Variants in ADAMTS19 observed in about 807,000 individuals in gnomAD.
ADAMTS19 encodes the protein ADAM metallopeptidase with thrombospondin type 1 motif 19.
Under a neutral mutation model 153.3 loss-of-function variants are expected in ADAMTS19, and 93 were observed. The observed-to-expected ratio is 0.61, with a 90% CI of 0.51 to 0.72. The LOEUF is 0.72. ADAMTS19 is among the 30% of genes least tolerant of loss of function. The pLI is 0.00. For missense variants in ADAMTS19, 1,482 were observed against 1,552.1 expected (o/e 0.95, Z 0.76); for synonymous variants, 600 against 556.6 (o/e 1.08, Z -1.10).
intron 21 of ADAMTS19, among the ~76,000 whole-genome samples, chr5:129,706,164 G>T (rs773247710): frequency 1.3e-5 from 2 of 152,120 alleles, no homozygotes; most frequent in African/African-American, 4.8e-5. Flanking sequence ...GTTTCTTTTG[G>T]CTAGTGAAAT....
intron 16 of ADAMTS19, 60 bp downstream of exon 16, chr5:129,665,639 A>G: frequency 3.1e-6 from 4 of 1,307,482 alleles, no homozygotes; most frequent in Non-Finnish European, 4.3e-6. Context: ...CTGCCCTGAG[A>G]GTTCTATGAT....
At chr5:129,575,422 A>G (rs960305669) in intron 7 of ADAMTS19, among the ~76,000 whole-genome samples, 12 of 152,076 alleles carry the variant, frequency 7.9e-5, no homozygotes, top group Admixed American at 5.2e-4. Context: ...AACACTTTTA[A>G]ATTTTTCCAG....
intron 8 of ADAMTS19, among the ~76,000 whole-genome samples, chr5:129,618,572 T>C (rs1044026464): frequency 6.6e-6 from 1 of 151,966 alleles, no homozygotes; most frequent in Admixed American, 6.6e-5. Flanking sequence ...ATCTTAAAAA[T>C]ATAGTTTGGT....
intron 8 of ADAMTS19, among the ~76,000 whole-genome samples, chr5:129,601,471 A>G (rs1307705278): frequency 6.6e-6 from 1 of 152,120 alleles, no homozygotes. Flanking sequence ...TTAATATATT[A>G]ATTGTTATTA....
chr5:129,546,303 G>T (rs1472811404), intron 6 of ADAMTS19, among the ~76,000 whole-genome samples: 2 of 150,404 alleles, frequency 1.3e-5, no homozygotes, highest in Non-Finnish European at 2.9e-5. Context: ...GAGTTTGTGG[G>T]TGCAGCGCAC....
intron 6 of ADAMTS19, among the ~76,000 whole-genome samples, chr5:129,536,225 A>C (rs1306032337): frequency 6.6e-6 from 1 of 152,222 alleles, no homozygotes; most frequent in African/African-American, 2.4e-5. Flanking sequence ...GAAAAAAACA[A>C]ACAACCCCAT....
chr5:129,515,250 G>A (rs1751560750), intron 3 of ADAMTS19, among the ~76,000 whole-genome samples: 1 of 151,582 alleles, frequency 6.6e-6, no homozygotes, highest in African/African-American at 2.4e-5. Flanking sequence ...TCTTTTTGCC[G>A]AGGATAGCTT....
At chr5:129,721,091 G>A (rs188412500) in intron 21 of ADAMTS19, among the ~76,000 whole-genome samples, 34 of 152,220 alleles carry the variant, frequency 2.2e-4, no homozygotes, top group Middle Eastern at 6.8e-3. Context: ...CTATTTATTG[G>A]AGCTTGTGTA....
intron 7 of ADAMTS19, among the ~76,000 whole-genome samples, chr5:129,563,711 T>C (rs566345024): frequency 6.6e-5 from 10 of 152,332 alleles, no homozygotes; most frequent in African/African-American, 2.2e-4. Context: ...TATGCTGTTA[T>C]AATGCACTGC....
chr5:129,698,050 T>C (rs1438893461), intron 19 of ADAMTS19, among the ~76,000 whole-genome samples: 3 of 152,196 alleles, frequency 2.0e-5, no homozygotes, highest in Non-Finnish European at 2.9e-5. Flanking sequence ...TTCCCTGAAC[T>C]CAACTATCTT....
intron 8 of ADAMTS19, 40 bp downstream of exon 8, chr5:129,596,704 T>C (rs748972312): frequency 7.1e-7 from 1 of 1,403,702 alleles, no homozygotes; most frequent in African/African-American, 1.5e-5. Flanking sequence ...TGTTAGCATA[T>C]AACTTTGTAA....
intron 3 of ADAMTS19, among the ~76,000 whole-genome samples, chr5:129,510,764 G>A (rs965588704): frequency 6.6e-6 from 1 of 151,460 alleles, no homozygotes; most frequent in Non-Finnish European, 1.5e-5. Context: ...TATGCATAGA[G>A]AAAAGGTTTC....
intron 17 of ADAMTS19, among the ~76,000 whole-genome samples, chr5:129,681,012 A>G (rs999889927): frequency 6.6e-6 from 1 of 152,222 alleles, no homozygotes; most frequent in African/African-American, 2.4e-5. Context: ...GTCCACATAT[A>G]AAACAACTCT....
chr5:129,715,579 T>C (rs1272400569), intron 21 of ADAMTS19, among the ~76,000 whole-genome samples: 1 of 152,154 alleles, frequency 6.6e-6, no homozygotes, highest in Non-Finnish European at 1.5e-5. Context: ...GAGATTAAAA[T>C]GAAAAGAACT....
intron 10 of ADAMTS19, among the ~76,000 whole-genome samples, chr5:129,639,984 G>T (rs1003311230): frequency 3.9e-5 from 6 of 151,932 alleles, no homozygotes; most frequent in Non-Finnish European, 8.8e-5. Flanking sequence ...TATTACAAAG[G>T]GGCAATATGA....
At chr5:129,463,162 A>G (rs1749744733) in intron 2 of ADAMTS19, among the ~76,000 whole-genome samples, 1 of 152,214 alleles carries the variant, frequency 6.6e-6, no homozygotes, top group Non-Finnish European at 1.5e-5. Context: ...TTCATTGTCC[A>G]CTAGCTTTTG....
chr5:129,658,770 T>C (rs758338467), intron 15 of ADAMTS19, 33 bp downstream of exon 15: 1 of 1,578,320 alleles, frequency 6.3e-7, no homozygotes, highest in Non-Finnish European at 8.6e-7. Flanking sequence ...TAAATATTAA[T>C]CCCTGCAATC....
Position 129,654,452 on chromosome 5 carries a change from A to AG in ADAMTS19, c.2304+19_2304+20insG, listed in dbSNP as rs1753455697. 2.5e-6 allele frequency: 4 copies of AG among 1,599,030 alleles called. No homozygotes were observed. In the East Asian group the frequency reaches 6.7e-5, roughly 27 times the overall value. ...GTGCCAGGTAAGACATTCCAAAAAA[A>AG]AAAAGAATTTATATGTTGAAGGAAA... On this transcript the variant is annotated intron_variant, in intron 14 of 22. Transcript: ENST00000274487.
At chr5:129,665,361 A>G (rs1440571032) in intron 15 of ADAMTS19, 138 bp from the exon 16 acceptor site, 4 of 548,662 alleles carry the variant, frequency 7.3e-6, no homozygotes, top group Non-Finnish European at 1.2e-5. Flanking sequence ...GCTTTTATAT[A>G]TAAAAATTTT....
Sources: allele counts gnomAD v4.1 joint callset (sites outside exome capture counted in the v4.1 genomes callset), GRCh38; gene constraint gnomAD v4.1.1; transcripts MANE v1.5; gene names NCBI Gene and HGNC (gene_info 2026-07-23, HGNC 2026-07-21).